Variants in SELENBP1 observed in about 807,000 individuals in gnomAD.
SELENBP1 encodes methanethiol oxidase.
SELENBP1 carries 71 observed loss-of-function variants against 61.0 expected under a neutral mutation model. The ratio of observed to expected loss-of-function variants is 1.16; its 90% CI spans 0.96 to 1.42. SELENBP1 has a LOEUF of 1.42. SELENBP1 is among the 40% of genes most tolerant of loss of function. The pLI is 0.00. For synonymous variants in SELENBP1, 270 were observed against 238.9 expected (o/e 1.13, Z -1.20); for missense variants, 561 against 605.0 (o/e 0.93, Z 0.76).
chr1:151,364,468 G>C lies in SELENBP1; in HGVS notation c.*75C>G. The C allele has an allele frequency of 6.3e-7, 1 of 1,587,036 alleles. No individual in the cohort carries two copies. On this transcript the variant is annotated 3_prime_UTR_variant, in exon 12 of 12. Transcript: ENST00000368868. ...CATGCTGCCAAGGGTCGGGTGCCAA[G>C]AGAGAGCAGAATGAAGCCAGGTCCC...
intron 11 of SELENBP1, 24 bp downstream of exon 11, chr1:151,364,902 A>T (rs1424562162): frequency 6.2e-7 from 1 of 1,606,172 alleles, no homozygotes; most frequent in African/African-American, 1.3e-5. Flanking sequence ...GCTGGGGAGG[A>T]GAGCCCATGT....
At chr1:151,364,793 A>C in intron 11 of SELENBP1, 88 bp from the exon 12 acceptor site, 1 of 1,507,562 alleles carries the variant, frequency 6.6e-7, no homozygotes, top group East Asian at 2.3e-5. Context: ...CTGAGGAAGG[A>C]GGAATGACCA....
chr1:151,367,081 GC>G (rs1211712541), intron 5 of SELENBP1, 177 bp from the exon 6 acceptor site: 24 of 1,411,706 alleles, frequency 1.7e-5, no homozygotes, highest in Non-Finnish European at 2.2e-5. Context: ...AGTGGCTCAT[GC>G]CAGTAATCCC....
In SELENBP1 at chr1:151,369,548, C is replaced by T. The variant is rs776308676; in HGVS notation, c.68G>A (p.Arg23Lys). Reference protein sequence around the residue: ...STPLEAMKGPREEIVYLPCIY... With the variant: ...STPLEAMKGPKEEIVYLPCIY... ...GCAGGGCAGGTAGACGATCTCTTCC[C>T]TGGGTCCTGCACGGTAGAAAGCAGG... The change falls in exon 3 of 12, where the codon AGG becomes AAG. Residue 23 changes from arginine to lysine, a missense_variant. Physicochemically the swap from Arg to Lys is conservative, Grantham distance 26 (BLOSUM62 2). Coordinates refer to ENST00000368868, the MANE Select transcript of SELENBP1 (RefSeq NM_003944.4). The T allele has an allele frequency of 1.2e-6, 2 of 1,605,278 alleles. No individual in the cohort carries two copies. The highest frequency in any genetic ancestry group is 2.2e-5 in the East Asian group (1 of 44,674).
At position 151,369,050 on chromosome 1, in the gene SELENBP1, T is replaced by C; in HGVS notation, c.314A>G (p.Tyr105Cys). ...VLPSLISSRI[Y>C]VVDVGSEPRA... ...GGGCTCAGAGCCCACGTCCACCACATAGATGCGAGAGGAGATGAGACTGGG... is the reference window on the plus strand; with the variant it reads ...GGGCTCAGAGCCCACGTCCACCACACAGATGCGAGAGGAGATGAGACTGGG... The change falls in exon 4 of 12, where the codon TAT becomes TGT. Residue 105 changes from tyrosine (Y) to cysteine (C), a missense_variant. By Grantham distance (194) the Tyr-to-Cys change is radical. Transcript: ENST00000368868. The C allele has an allele frequency of 1.2e-6, 2 of 1,613,906 alleles. No homozygotes were observed. Among genetic ancestry groups the C allele is most frequent in the Non-Finnish European group, 8.5e-7 (1 of 1,179,846 alleles).
chr1:151,366,884 C>T lies in SELENBP1; in HGVS notation c.502G>A (p.Gly168Arg), dbSNP rs138929839. Reference sequence around the variant, plus strand: ...GTCCCCTTCACCTCGAACGTCTCCCCATCCAGCAGCACAAAACCCCCTGAA... The same window carrying T: ...GTCCCCTTCACCTCGAACGTCTCCCTATCCAGCAGCACAAAACCCCCTGAA... ...NGKGGFVLLD[G>R]ETFEVKGTWE... Residue 168 changes from glycine to arginine, a missense_variant, in exon 6 of 12, where the codon GGG becomes AGG. Coordinates refer to ENST00000368868, the MANE Select transcript of SELENBP1 (RefSeq NM_003944.4). The T allele has an allele frequency of 7.4e-6, 12 of 1,613,954 alleles. No individual in the cohort carries two copies. Among genetic ancestry groups the T allele is most frequent in the Non-Finnish European group, 8.5e-6 (10 of 1,179,956 alleles).
Position 151,369,987 on chromosome 1 carries a change from GGACA to G in SELENBP1, c.5-222_5-219del, listed in dbSNP as rs1008811947. 15 of 1,465,460 alleles carry G rather than the reference GGACA, an allele frequency of 1.0e-5. No homozygotes were observed. In the African/African-American group the frequency reaches 2.1e-4, roughly 21 times the overall value. The allele number at this position is 1,465,460 out of a possible 1,614,324, so 90.8% of individuals were successfully genotyped here. On this transcript the variant is annotated intron_variant, in intron 1 of 11. Transcript: ENST00000368868. The stretch of plus-strand genomic sequence containing the variant: ...AGCTGGAGACACATGACCTGAAGGT[GGACA>G]GACAGTCCAGCAGGGCCCCGGGAGG...
At position 151,364,624 on chromosome 1, in the gene SELENBP1, G is replaced by A. The variant is rs201460765; in HGVS notation, c.1338C>T (p.Phe446=). ...GGGCTGGGCCAAGGGGCTCCTTCCC[G>A]AAGTCCACCAGGAAGTTGGGGTTCA... The part of the protein sequence containing the change: ...LKLNPNFLVD[F]GKEPLGPALA... The change falls in exon 12 of 12, where the codon TTC becomes TTT. Residue 446 remains phenylalanine, a synonymous_variant. Coordinates refer to ENST00000368868, the MANE Select transcript of SELENBP1 (RefSeq NM_003944.4). 2.0e-5 allele frequency: 33 copies of A among 1,613,588 alleles called. No individual in the cohort carries two copies. Among genetic ancestry groups the A allele is most frequent in the Middle Eastern group, 1.7e-4 (1 of 6,056 alleles).
At chr1:151,372,571 G>A (rs1652189448) in intron 1 of SELENBP1, 67 bp downstream of exon 1, 2 of 1,607,732 alleles carry the variant, frequency 1.2e-6, no homozygotes, top group Non-Finnish European at 1.7e-6. Context: ...GCATTTTCTG[G>A]AGGAGGGCCT....
At chr1:151,365,707 G>C (rs753810822) in intron 8 of SELENBP1, 23 bp from the exon 9 acceptor site, 5 of 1,614,000 alleles carry the variant, frequency 3.1e-6, no homozygotes, top group African/African-American at 1.3e-5. Context: ...GGCGAGTAGA[G>C]CCTTTAAGGA....
chr1:151,370,639 T>C (rs917573513), intron 1 of SELENBP1, among the ~76,000 whole-genome samples: 2 of 152,176 alleles, frequency 1.3e-5, no homozygotes, highest in African/African-American at 4.8e-5. Context: ...AGATGTGCAG[T>C]AGGGCTGGGA....
intron 1 of SELENBP1, 148 bp downstream of exon 1, chr1:151,372,490 G>T: frequency 2.1e-6 from 2 of 961,544 alleles, no homozygotes; most frequent in Non-Finnish European, 1.7e-6. Flanking sequence ...GGTGGGGGAG[G>T]GGGTGTGCAG....
Position 151,372,630 on chromosome 1 carries a change from C to G in SELENBP1, c.4+8G>C, listed in dbSNP as rs775662229. On this transcript the variant is annotated splice_region_variant and intron_variant, in intron 1 of 11. Transcript: ENST00000368868. The stretch of plus-strand genomic sequence containing the variant: ...AGGCAATGGGTGATTGGAAACCCCT[C>G]TCCTTACCCATGCTGCCGACTGGTA... 5.0e-6 allele frequency: 8 copies of G among 1,614,084 alleles called. No individual in the cohort carries two copies. The highest frequency in any genetic ancestry group is 6.8e-6 in the Non-Finnish European group (8 of 1,180,038).
At chr1:151,369,622 T>A in intron 2 of SELENBP1, 68 bp from the exon 3 acceptor site, 1 of 1,550,008 alleles carries the variant, frequency 6.5e-7, no homozygotes, top group Non-Finnish European at 8.7e-7. Context: ...GTGCTGGGTG[T>A]GCCAGAGGGT....
Position 151,368,161 on chromosome 1 carries a change from T to C in SELENBP1, c.481+38A>G, listed in dbSNP as rs200349773. On this transcript the variant is annotated intron_variant, in intron 5 of 11. Coordinates refer to ENST00000368868, the MANE Select transcript of SELENBP1 (RefSeq NM_003944.4). ...AAAAATGCTTCCCACATTTCACAGC[T>C]GTGGAAGTTTTCATGAGCACACAGT... is the stretch of plus-strand genomic sequence containing the variant. The C allele has an allele frequency of 6.8e-5, 108 of 1,599,168 alleles. 1 individual carries two copies. In the African/African-American group the frequency reaches 1.2e-3, roughly 18 times the overall value.
intron 6 of SELENBP1, 52 bp from the exon 7 acceptor site, chr1:151,366,505 C>A: frequency 6.3e-7 from 1 of 1,584,712 alleles, no homozygotes; most frequent in Non-Finnish European, 8.6e-7. Context: ...GGTTGGAAGG[C>A]ATGGGCAAAG....
chr1:151,365,331 A>G (rs1247700454), intron 9 of SELENBP1, 50 bp from the exon 10 acceptor site: 2 of 1,563,456 alleles, frequency 1.3e-6, no homozygotes, highest in Admixed American at 3.4e-5. Context: ...GGAGGCGCAA[A>G]CATTGCAGGA....
chr1:151,365,956 T>C (rs1442406867), intron 7 of SELENBP1, 110 bp from the exon 8 acceptor site: 2 of 1,154,734 alleles, frequency 1.7e-6, no homozygotes, highest in Non-Finnish European at 2.5e-6. Flanking sequence ...AGAGAATAGA[T>C]GCCCGGCCTT....
At position 151,365,805 on chromosome 1, in the gene SELENBP1, G is replaced by C. The variant is rs755382460; in HGVS notation, c.885C>G (p.Pro295=). Residue 295 remains proline (P), a synonymous_variant, in exon 8 of 12, where the codon CCC becomes CCG. Transcript: ENST00000368868. ...GCAGCAGCCAGCCCTTCACTTTCTT[G>C]GGGGGCACCTGGATCACCTTCTCCA... ...WSVEKVIQVP[P]KKVKGWLLPE... 1 of 1,614,110 alleles carries C rather than the reference G, an allele frequency of 6.2e-7. No homozygotes were observed. Among genetic ancestry groups the C allele is most frequent in the Non-Finnish European group, 8.5e-7 (1 of 1,180,006 alleles).
Sources: gnomAD v4.1 joint callset for allele counts (sites outside exome capture counted in the v4.1 genomes callset) on GRCh38, gnomAD v4.1.1 for gene constraint, MANE v1.5 for transcripts, NCBI Gene and HGNC (gene_info 2026-07-23, HGNC 2026-07-21) for gene names.